Variants in MON2 observed in about 807,000 individuals in gnomAD.
The protein encoded by MON2 is MON2 regulator of endosome-to-Golgi trafficking.
MON2 carries 84 observed loss-of-function variants against 208.6 expected under a neutral mutation model. That is an observed-to-expected ratio of 0.40 (90% confidence interval 0.34 to 0.48). The LOEUF (loss-of-function observed/expected upper bound fraction) is 0.48, where lower values mean the gene tolerates loss of function less well. Among genes scored for constraint, MON2 ranks in the 20% least tolerant of loss-of-function variants. The pLI, the probability that MON2 is intolerant of heterozygous loss-of-function variation, is 0.59. For missense variants in MON2, 1,611 were observed against 2,015.4 expected, an observed-to-expected ratio of 0.80 and a Z score of 3.84; for synonymous variants, 660 against 694.0, an observed-to-expected ratio of 0.95 and a Z score of 0.77.
chr12:62,473,043 T>A (rs889876387), intron 1 of MON2, among the ~76,000 whole-genome samples: 2 of 152,208 alleles, frequency 1.3e-5, no homozygotes, highest in African/African-American at 4.8e-5. Context: ...TTTTCAACCA[T>A]GTATGAAGTA....
chr12:62,483,088 T>C (rs1265570248), intron 1 of MON2: 1 of 152,170 alleles, frequency 6.6e-6, no homozygotes, highest in African/African-American at 2.4e-5. Flanking sequence ...TTAATAATAA[T>C]TTAACGTAAT....
At chr12:62,581,223 G>A (rs1377485497) in intron 32 of MON2, among the ~76,000 whole-genome samples, 1 of 152,084 alleles carries the variant, frequency 6.6e-6, no homozygotes, top group Non-Finnish European at 1.5e-5. Flanking sequence ...TTCTCTTTTT[G>A]TAAACCTGAG....
chr12:62,492,600 T>C (rs2070220038), intron 2 of MON2, among the ~76,000 whole-genome samples: 1 of 147,858 alleles, frequency 6.8e-6, no homozygotes. Context: ...CTCGATCTCC[T>C]GACCTCATGA....
At chr12:62,578,387 T>G in intron 30 of MON2, 58 bp from the exon 31 acceptor site, 1 of 1,102,942 alleles carries the variant, frequency 9.1e-7, no homozygotes, top group Non-Finnish European at 1.3e-6. Context: ...TTTTTCTATT[T>G]TGTTTGTATT....
chr12:62,541,525 T>C (rs904898632), intron 19 of MON2, among the ~76,000 whole-genome samples: 1 of 152,236 alleles, frequency 6.6e-6, no homozygotes, highest in African/African-American at 2.4e-5. Flanking sequence ...CACTAACTTA[T>C]TTTATCATTT....
intron 2 of MON2, 79 bp downstream of exon 2, chr12:62,484,312 A>G: frequency 1.1e-6 from 1 of 936,114 alleles, no homozygotes. Flanking sequence ...TGTAAAAGCC[A>G]TCAGTTTTCT....
intron 30 of MON2, among the ~76,000 whole-genome samples, chr12:62,572,823 A>G (rs186750123): frequency 3.9e-4 from 59 of 152,324 alleles, no homozygotes; most frequent in African/African-American, 1.3e-3. Flanking sequence ...CTAAATAACC[A>G]TTTAACATTA....
At chr12:62,585,825 T>C (rs927104768) in intron 33 of MON2, 2 of 178,512 alleles carry the variant, frequency 1.1e-5, no homozygotes, top group Non-Finnish European at 2.4e-5. Flanking sequence ...GATAAGTACT[T>C]GTGGATCTCT....
intron 24 of MON2, among the ~76,000 whole-genome samples, chr12:62,554,940 G>A (rs1035549386): frequency 4.0e-5 from 6 of 151,730 alleles, no homozygotes; most frequent in African/African-American, 1.5e-4. Context: ...GACTACACGC[G>A]CCCGCCACCA....
intron 34 of MON2, 41 bp from the exon 35 acceptor site, chr12:62,592,545 T>C (rs1214220566): frequency 6.6e-7 from 1 of 1,507,944 alleles, no homozygotes; most frequent in African/African-American, 1.4e-5. Flanking sequence ...TAATCTCTAT[T>C]TAATTCCACC....
chr12:62,486,701 T>G (rs1278986612), intron 2 of MON2, among the ~76,000 whole-genome samples: 1 of 152,072 alleles, frequency 6.6e-6, no homozygotes, highest in East Asian at 1.9e-4. Context: ...GAGAAAAATT[T>G]TTAGTTAACT....
chr12:62,573,067 G>C (rs1385967004), intron 30 of MON2, among the ~76,000 whole-genome samples: 1 of 152,148 alleles, frequency 6.6e-6, no homozygotes, highest in African/African-American at 2.4e-5. Context: ...AATAACAGGT[G>C]ATCCTAATTT....
intron 1 of MON2, among the ~76,000 whole-genome samples, chr12:62,472,844 T>C (rs568343723): frequency 1.1e-4 from 16 of 152,316 alleles, no homozygotes; most frequent in Admixed American, 5.2e-4. Context: ...GTGTTCTTTC[T>C]CCCATAAGCG....
At chr12:62,534,529 A>ATATATATAT in intron 12 of MON2, among the ~76,000 whole-genome samples, 3 of 28,070 alleles carry the variant, frequency 1.1e-4, no homozygotes, top group African/African-American at 2.0e-4. Flanking sequence ...AAAAAAAAAA[A>ATATATATAT]AAAAAAAAAA....
Position 62,524,585 on chromosome 12 carries a change from G to A in MON2, c.1055G>A (p.Arg352Gln), listed in dbSNP as rs756901762. 15 of 1,613,520 alleles carry A rather than the reference G, an allele frequency of 9.3e-6. No homozygotes were observed. The highest frequency in any genetic ancestry group is 1.3e-5 in the Non-Finnish European group (15 of 1,179,622). The part of the protein sequence containing the change: ...FLDADKPQWL[R>Q]AVAVESIHRF... ...GATGCAGATAAACCACAGTGGCTACGAGCTGTTGCGGTGGAATCAATACAC... is the reference window on the plus strand; with the variant it reads ...GATGCAGATAAACCACAGTGGCTACAAGCTGTTGCGGTGGAATCAATACAC... The change falls in exon 9 of 35, where the codon CGA (arginine) becomes CAA (glutamine). Residue 352 changes from arginine to glutamine, a missense_variant. Transcript: ENST00000393630.
At chr12:62,511,174 C>A (rs758859652) in intron 8 of MON2, among the ~76,000 whole-genome samples, 6 of 152,038 alleles carry the variant, frequency 3.9e-5, no homozygotes, top group Non-Finnish European at 8.8e-5. Flanking sequence ...TTAAAATGTC[C>A]ATATAATCTA....
chr12:62,577,064 C>T (rs945381008), intron 30 of MON2, among the ~76,000 whole-genome samples: 2 of 151,824 alleles, frequency 1.3e-5, no homozygotes, highest in Non-Finnish European at 2.9e-5. Flanking sequence ...TCCTTAGTTA[C>T]CTCCACCATC....
chr12:62,544,494 C>T (rs1456607002), intron 20 of MON2, among the ~76,000 whole-genome samples: 1 of 151,928 alleles, frequency 6.6e-6, no homozygotes, highest in East Asian at 1.9e-4. Flanking sequence ...TGTACATGAG[C>T]TTTCCCCCCA....
chr12:62,483,033 C>G (rs2069540708), intron 1 of MON2: 1 of 150,288 alleles, frequency 6.7e-6, no homozygotes, highest in African/African-American at 2.5e-5. Context: ...GATCCTGTCT[C>G]TAAAAAAAAG....
Sources: allele counts gnomAD v4.1 joint callset (sites outside exome capture counted in the v4.1 genomes callset), GRCh38; gene constraint gnomAD v4.1.1; transcripts MANE v1.5; gene names NCBI Gene and HGNC (gene_info 2026-07-23, HGNC 2026-07-21).